EVL: variants seen among roughly 807,000 people sequenced by gnomAD.
EVL encodes ena/VASP-like protein.
A neutral mutation model predicts 59.6 loss-of-function variants in EVL; 21 were observed. The ratio of observed to expected loss-of-function variants is 0.35; its 90% CI spans 0.25 to 0.51. The LOEUF (loss-of-function observed/expected upper bound fraction) is 0.51, where lower values mean the gene tolerates loss of function less well. Ranked by LOEUF, EVL falls within the 20% of genes least tolerant of loss-of-function variation. The probability of loss-of-function intolerance (pLI) is 0.97; values close to 1 mark genes in which losing one functional copy is unlikely to be tolerated. For synonymous variants in EVL, 198 were observed against 203.5 expected, an observed-to-expected ratio of 0.97 and a Z score of 0.23; for missense variants, 462 against 546.6, an observed-to-expected ratio of 0.85 and a Z score of 1.54.
chr14:100,046,775 A>T (rs10162590), intron 1 of EVL, among the ~76,000 whole-genome samples: 1 of 137,302 alleles, frequency 7.3e-6, no homozygotes, highest in African/African-American at 2.7e-5. Context: ...TTTTTTGAGG[A>T]AGAGTCTTGC....
intron 7 of EVL, 48 bp downstream of exon 7, chr14:100,129,732 C>T: frequency 1.3e-6 from 2 of 1,495,834 alleles, no homozygotes; most frequent in Non-Finnish European, 1.8e-6. Context: ...CAGGAAGCTC[C>T]TGCCCCCGCC....
intron 1 of EVL, among the ~76,000 whole-genome samples, chr14:100,022,907 C>T (rs2061149972): frequency 2.6e-5 from 4 of 152,110 alleles, no homozygotes; most frequent in Admixed American, 1.3e-4. Context: ...CTGAGAAAAG[C>T]GTGGTGTCCT....
At chr14:99,994,834 A>G (rs1278781602) in intron 1 of EVL, among the ~76,000 whole-genome samples, 1 of 152,130 alleles carries the variant, frequency 6.6e-6, no homozygotes, top group East Asian at 1.9e-4. Context: ...GGGGAGGTTT[A>G]GTGTCAGCTT....
chr14:100,141,365 A>C, intron 12 of EVL, 119 bp downstream of exon 12: 2 of 1,091,002 alleles, frequency 1.8e-6, no homozygotes, highest in Non-Finnish European at 1.3e-6. Flanking sequence ...CCAAAAGGCC[A>C]GTCAGGGAGC....
At chr14:99,976,813 C>T (rs542507879) in intron 1 of EVL, among the ~76,000 whole-genome samples, 5 of 152,284 alleles carry the variant, frequency 3.3e-5, no homozygotes, top group African/African-American at 9.6e-5. Context: ...TCCACCCCAG[C>T]GCCAATCTTT....
rs550301304 is a variant in EVL at position 100,080,978 on chromosome 14, A to C, written c.12-3709A>C. 2.0e-5 allele frequency among the ~76,000 whole-genome samples: 3 copies of C among 152,334 alleles called. No individual in the cohort carries two copies. In the South Asian group the frequency reaches 6.2e-4, roughly 32 times the overall value. ...AATTTAAGAAAATATTTGCCTATCAAATTTCCTTATAGCTAGGCACGGTGG... is the reference window on the plus strand; with the variant it reads ...AATTTAAGAAAATATTTGCCTATCACATTTCCTTATAGCTAGGCACGGTGG... On this transcript the variant is annotated intron_variant, in intron 1 of 13. Transcript: ENST00000392920.
chr14:100,093,335 A>G (rs2062604289), intron 2 of EVL, among the ~76,000 whole-genome samples: 1 of 152,214 alleles, frequency 6.6e-6, no homozygotes, highest in African/African-American at 2.4e-5. Context: ...TTATAATATT[A>G]TCTTCATCTT....
intron 1 of EVL, among the ~76,000 whole-genome samples, chr14:99,973,753 G>A (rs1003416771): frequency 1.3e-5 from 2 of 152,136 alleles, no homozygotes; most frequent in African/African-American, 4.8e-5. Flanking sequence ...ATGAGCCACC[G>A]AAAATAGTTT....
intron 1 of EVL, among the ~76,000 whole-genome samples, chr14:100,003,756 G>A (rs992255048): frequency 6.6e-6 from 1 of 152,086 alleles, no homozygotes; most frequent in African/African-American, 2.4e-5. Context: ...TTTAATCTCA[G>A]TTTTTTCCTA....
chr14:100,046,383 T>C (rs1030442280), intron 1 of EVL, among the ~76,000 whole-genome samples: 2 of 152,182 alleles, frequency 1.3e-5, no homozygotes, highest in Non-Finnish European at 2.9e-5. Flanking sequence ...TTTTGACAAA[T>C]AGACCAGGTG....
At position 100,040,142 on chromosome 14, in the gene EVL, C is replaced by A. The variant is rs150738471; in HGVS notation, c.6-44545C>A. On this transcript the variant is annotated intron_variant, in intron 1 of 13. Transcript: ENST00000402714. ...GTGTTTGCTTGTGGCACTTGGACAG[C>A]CTTAGCAAACGGCTCAATGCACAGT... 8.7e-4 allele frequency among the ~76,000 whole-genome samples: 132 copies of A among 152,314 alleles called. No homozygotes were observed. The Middle Eastern group carries it at 0.01, about 12-fold the overall frequency.
chr14:100,063,953 T>G (rs1453257266), upstream of EVL, among the ~76,000 whole-genome samples: 2 of 152,126 alleles, frequency 1.3e-5, no homozygotes, highest in Non-Finnish European at 2.9e-5. Context: ...ACACCAAATA[T>G]TTCAAAATTT....
At chr14:100,081,835 C>A (rs767809873) in intron 1 of EVL, among the ~76,000 whole-genome samples, 1 of 152,228 alleles carries the variant, frequency 6.6e-6, no homozygotes, top group Non-Finnish European at 1.5e-5. Flanking sequence ...CGCAGTGGCT[C>A]ACGCCTGTAA....
At chr14:100,085,437 T>C (rs1006518266) in intron 2 of EVL, among the ~76,000 whole-genome samples, 2 of 152,178 alleles carry the variant, frequency 1.3e-5, no homozygotes. Context: ...TGATGTGACA[T>C]GGACTAAAAT....
chr14:100,021,983 G>T (rs967399324), intron 1 of EVL, among the ~76,000 whole-genome samples: 1 of 152,004 alleles, frequency 6.6e-6, no homozygotes, highest in African/African-American at 2.4e-5. Flanking sequence ...TATAATCTCG[G>T]TGCCGCTATG....
rs936940015 is a variant in EVL, at chr14:100,130,848, C to G, written c.839+1164C>G. ...GGCGTCTCCGGAGCCTCTACTGGGCCTGGGCGTTTGTACATCGCCAAGACA... is the reference window on the plus strand; with the variant it reads ...GGCGTCTCCGGAGCCTCTACTGGGCGTGGGCGTTTGTACATCGCCAAGACA... On this transcript the variant is annotated intron_variant, in intron 7 of 13. Transcript: ENST00000392920. The surrounding 1 kb of genome is among the most constrained non-coding windows in gnomAD (Gnocchi z 4.8). Among the ~76,000 whole-genome samples the G allele has an allele frequency of 6.6e-6, 1 of 152,238 alleles. No individual in the cohort carries two copies. Among genetic ancestry groups the G allele is most frequent in the African/African-American group, 2.4e-5 (1 of 41,446 alleles).
intron 3 of EVL, among the ~76,000 whole-genome samples, chr14:100,120,680 C>T (rs1249877277): frequency 6.6e-6 from 1 of 152,170 alleles, no homozygotes; most frequent in Non-Finnish European, 1.5e-5. Context: ...TGCAGGAGGT[C>T]AGCTATGGAG....
intron 1 of EVL, among the ~76,000 whole-genome samples, chr14:100,072,809 T>A (rs544069124): frequency 6.6e-6 from 1 of 152,162 alleles, no homozygotes; most frequent in African/African-American, 2.4e-5. Context: ...AAAGTTGGAG[T>A]GAAAAACAGC....
upstream of EVL, among the ~76,000 whole-genome samples, chr14:100,061,627 C>T (rs952257854): frequency 1.3e-5 from 2 of 152,020 alleles, no homozygotes; most frequent in African/African-American, 2.4e-5. Flanking sequence ...ACTGGCCCCT[C>T]GAACAGTTGA....
Sources: allele counts gnomAD v4.1 joint callset (sites outside exome capture counted in the v4.1 genomes callset), GRCh38; gene constraint gnomAD v4.1.1; non-coding constraint Gnocchi (gnomAD v3.1); transcripts MANE v1.5; gene names NCBI Gene and HGNC (gene_info 2026-07-23, HGNC 2026-07-21).